Variants in DNAH5 observed in about 807,000 individuals in gnomAD.
DNAH5 encodes dynein axonemal heavy chain 5, also known as axonemal beta dynein heavy chain 5.
A neutral mutation model predicts 518.2 loss-of-function variants in DNAH5; 372 were observed. The ratio of observed to expected loss-of-function variants is 0.72; its 90% confidence interval spans 0.66 to 0.78. The LOEUF is 0.78. DNAH5 is among the 30% of genes least tolerant of loss of function. DNAH5 has a pLI of 0.00. For missense variants in DNAH5, 5,523 were observed against 5,687.0 expected (o/e 0.97, Z 0.93); for synonymous variants, 2,039 against 2,025.9 (o/e 1.01, Z -0.17).
At position 13,735,841 on chromosome 5, in the gene DNAH5, G is replaced by T. The variant is rs772181765; in HGVS notation, c.11547C>A (p.Gly3849=). Residue 3849 remains glycine (G), a synonymous_variant, in exon 67 of 79, where the codon GGC becomes GGA. Transcript: ENST00000265104. ...ACCTGGCTAAGGAAAGGTCAAATAA[G>T]CCCAGAAACTGGCGAAGCGAAGTCT... ...MYQTSLRQFL[G]LFDLSLARSV... is the part of the protein sequence containing the mutation. The T allele has an allele frequency of 6.2e-7, 1 of 1,614,112 alleles. No individual in the cohort carries two copies. Among genetic ancestry groups the T allele is most frequent in the South Asian group, 1.1e-5 (1 of 91,082 alleles).
At chr5:13,709,656 C>T (rs1743233725) in intron 75 of DNAH5, among the ~76,000 whole-genome samples, 1 of 152,152 alleles carries the variant, frequency 6.6e-6, no homozygotes, top group Non-Finnish European at 1.5e-5. Flanking sequence ...CCCTAGAGGA[C>T]CCACAGACTC....
chr5:13,889,499 TTGGCCGGCGTC>T (rs148331111), intron 17 of DNAH5, among the ~76,000 whole-genome samples: 2,330 of 152,312 alleles, frequency 0.015, 63 homozygotes, highest in African/African-American at 0.052. Context: ...AGGTGGTCCC[TTGGCCGGCGTC>T]TGGAAGCTTG....
chr5:14,010,702 A>G (rs1372380544), intron 1 of DNAH5, among the ~76,000 whole-genome samples: 3 of 152,220 alleles, frequency 2.0e-5, no homozygotes, highest in Admixed American at 1.3e-4. Flanking sequence ...TGTCTACCAT[A>G]AAAGGATACA....
rs370433964 is a variant in DNAH5, at chr5:13,884,791, G to A, written c.2983+198C>T. On this transcript the variant is annotated intron_variant, in intron 19 of 78. Transcript: ENST00000265104. ...ATGAAGGTTGCAGTGAGCTGAGATC[G>A]TGCCGCTACCCTCCAACCTGGTCGA... Among the ~76,000 whole-genome samples the A allele has an allele frequency of 9.8e-5, 15 of 152,322 alleles. No individual in the cohort carries two copies. The South Asian group carries it at 2.3e-3, about 23-fold the overall frequency.
rs186993624 is a variant in DNAH5 at position 13,881,456 on chromosome 5, T to C, written c.3262+1272A>G. On this transcript the variant is annotated intron_variant, in intron 21 of 78. Transcript: ENST00000265104. ...CAACAAATTTGATCTTATAACAAAT[T>C]ATAACAAATCTTCCAAACCAAGCGT... Among the ~76,000 whole-genome samples the C allele has an allele frequency of 4.7e-4, 71 of 151,892 alleles. 1 individual carries two copies. The East Asian group carries it at 0.011, about 24-fold the overall frequency.
chr5:13,807,143 T>C (rs1759735817), intron 47 of DNAH5, among the ~76,000 whole-genome samples: 1 of 152,192 alleles, frequency 6.6e-6, no homozygotes, highest in South Asian at 2.1e-4. Flanking sequence ...TGAAATGCAT[T>C]TCTTTTGGTA....
At chr5:13,936,875 C>T (rs929108076) in intron 1 of DNAH5, among the ~76,000 whole-genome samples, 1 of 152,144 alleles carries the variant, frequency 6.6e-6, no homozygotes, top group South Asian at 2.1e-4. Flanking sequence ...GAGGATGGGG[C>T]TATTGGGTCT....
chr5:13,708,038 T>G, intron 76 of DNAH5, 85 bp downstream of exon 76: 1 of 1,447,130 alleles, frequency 6.9e-7, no homozygotes, highest in Non-Finnish European at 9.7e-7. Context: ...GTTGAGTAAA[T>G]TATCCTTTCA....
chr5:13,934,309 C>T (rs1778712291), intron 1 of DNAH5, among the ~76,000 whole-genome samples: 1 of 152,154 alleles, frequency 6.6e-6, no homozygotes, highest in Non-Finnish European at 1.5e-5. Context: ...CTACAGATGA[C>T]AGCAAGCCAG....
chr5:13,703,564 C>T (rs1012750048), intron 76 of DNAH5, among the ~76,000 whole-genome samples: 23 of 152,088 alleles, frequency 1.5e-4, no homozygotes, highest in African/African-American at 5.3e-4. Context: ...ATCTCATGAC[C>T]CTCTGCTCTC....
intron 22 of DNAH5, among the ~76,000 whole-genome samples, chr5:13,872,148 C>T (rs1770212115): frequency 6.6e-6 from 1 of 152,260 alleles, no homozygotes; most frequent in East Asian, 1.9e-4. Context: ...TCCTCTTTCC[C>T]CCCTCCCCTC....
chr5:13,866,413 A>T lies in DNAH5; in HGVS notation c.4054-131T>A. On this transcript the variant is annotated intron_variant, in intron 25 of 78. Transcript: ENST00000265104. ...AAACTTCATTTTTATTTGTTAGAAA[A>T]AAAGGGCCTCACAAAGTGATTCATT... The T allele has an allele frequency of 9.0e-6, 7 of 781,572 alleles. No individual in the cohort carries two copies. The South Asian group carries it at 1.1e-4, about 12-fold the overall frequency. The allele number at this position is 781,572 out of a possible 1,614,324, so 48.4% of individuals were successfully genotyped here.
In DNAH5 at chr5:13,807,653, G is replaced by T. The variant is rs886059973; in HGVS notation, c.7825C>A (p.Pro2609Thr). The T allele has an allele frequency of 3.1e-6, 5 of 1,612,056 alleles. No individual in the cohort carries two copies. Among genetic ancestry groups the T allele is most frequent in the Non-Finnish European group, 2.5e-6 (3 of 1,178,644 alleles). ...IIKGFMSKYD[P>T]ECHMIKSLNF... ...AGACTCTTGATCATGTGACATTCAGGATCATATTTTGACATAAATCCTTTA... is the reference window on the plus strand; with the variant it reads ...AGACTCTTGATCATGTGACATTCAGTATCATATTTTGACATAAATCCTTTA... Residue 2609 changes from proline (P) to threonine (T), a missense_variant, in exon 47 of 79, where the codon CCT becomes ACT. Pro to Thr is a conservative substitution (Grantham distance 38, BLOSUM62 -1). Transcript: ENST00000265104.
At chr5:14,011,343 G>A (rs1375354690) in intron 1 of DNAH5, among the ~76,000 whole-genome samples, 1 of 152,178 alleles carries the variant, frequency 6.6e-6, no homozygotes, top group Non-Finnish European at 1.5e-5. Context: ...AGCAGCAAGA[G>A]GAAGAGGAGG....
At chr5:13,958,485 T>C (rs1280252024) in intron 1 of DNAH5, among the ~76,000 whole-genome samples, 1 of 152,162 alleles carries the variant, frequency 6.6e-6, no homozygotes, top group Non-Finnish European at 1.5e-5. Context: ...TTTCTTTCCA[T>C]TGATTTTATT....
chr5:14,007,938 C>T (rs969243602), intron 1 of DNAH5, among the ~76,000 whole-genome samples: 3 of 151,946 alleles, frequency 2.0e-5, no homozygotes, highest in East Asian at 1.9e-4. Context: ...TTTGGGAGGC[C>T]GAGGTGAGCG....
Position 13,894,668 on chromosome 5 carries a change from T to C in DNAH5, c.2413A>G (p.Asn805Asp). 1 of 1,614,052 alleles carries C rather than the reference T, an allele frequency of 6.2e-7. No individual in the cohort carries two copies. Among genetic ancestry groups the C allele is most frequent in the East Asian group, 2.2e-5 (1 of 44,878 alleles). Reference protein sequence around the residue: ...TSLNIEAYLENTFAKIKDLEL... With the variant: ...TSLNIEAYLEDTFAKIKDLEL... ...GACTTACTGATCTTTGCAAAAGTGT[T>C]TTCTAAATAAGCCTCAATATTCAGT... The change falls in exon 16 of 79, where the codon AAC becomes GAC. Residue 805 changes from asparagine (N) to aspartate (D), a missense_variant. Physicochemically the swap from Asn to Asp is conservative, Grantham distance 23. Transcript: ENST00000265104.
At chr5:13,803,971 CA>C (rs566441242) in intron 47 of DNAH5, among the ~76,000 whole-genome samples, 3 of 152,090 alleles carry the variant, frequency 2.0e-5, no homozygotes, top group Admixed American at 6.5e-5. Flanking sequence ...TAGCTATATT[CA>C]AAAAACTTTA....
At chr5:13,916,256 G>A in intron 9 of DNAH5, 92 bp downstream of exon 9, 1 of 728,384 alleles carries the variant, frequency 1.4e-6, no homozygotes, top group South Asian at 1.5e-5. Context: ...CATACATATT[G>A]AACTGAGCCA....
Sources: allele counts gnomAD v4.1 joint callset (sites outside exome capture counted in the v4.1 genomes callset), GRCh38; gene constraint gnomAD v4.1.1; transcripts MANE v1.5; gene names NCBI Gene and HGNC (gene_info 2026-07-23, HGNC 2026-07-21).